Variants in CAST observed in about 807,000 individuals in gnomAD.
The protein encoded by CAST is calpastatin.
A neutral mutation model predicts 119.6 loss-of-function variants in CAST; 76 were observed. That is an observed-to-expected ratio of 0.64 (90% CI 0.53 to 0.77). The LOEUF (loss-of-function observed/expected upper bound fraction) is 0.77. Among genes scored for constraint, CAST ranks in the 30% least tolerant of loss-of-function variants. The pLI is 0.00. For synonymous variants in CAST, 319 were observed against 331.6 expected (o/e 0.96, Z 0.41); for missense variants, 953 against 946.5 (o/e 1.01, Z -0.09).
the CAST span, among the ~76,000 whole-genome samples, chr5:96,417,550 G>A: frequency 3.9e-5 from 6 of 151,986 alleles, no homozygotes; most frequent in African/African-American, 9.6e-5. Context: ...AGTCATATGG[G>A]TCTTGCTCTG....
chr5:96,183,490 T>C, the CAST span, among the ~76,000 whole-genome samples: 6 of 152,156 alleles, frequency 3.9e-5, no homozygotes, highest in Admixed American at 3.3e-4. Flanking sequence ...TAAAAGCTAT[T>C]TGGAATTTTT....
chr5:96,122,285 G>C, the CAST span, among the ~76,000 whole-genome samples: 1 of 152,114 alleles, frequency 6.6e-6, no homozygotes, highest in African/African-American at 2.4e-5. Context: ...AAATTTTGCT[G>C]TACACTTGAG....
At chr5:96,597,756 A>C (rs576460590) in intron 1 of CAST, among the ~76,000 whole-genome samples, 3 of 152,168 alleles carry the variant, frequency 2.0e-5, no homozygotes, top group Non-Finnish European at 4.4e-5. Flanking sequence ...CTATGCAAGG[A>C]CATTCATATA....
At chr5:96,256,995 G>A in the CAST span, among the ~76,000 whole-genome samples, 2 of 152,070 alleles carry the variant, frequency 1.3e-5, no homozygotes, top group Admixed American at 6.6e-5. Context: ...CTTTTCCCTT[G>A]TGCATTCATA....
the CAST span, among the ~76,000 whole-genome samples, chr5:96,146,915 C>A: frequency 6.6e-6 from 1 of 152,206 alleles, no homozygotes; most frequent in Admixed American, 6.5e-5. Flanking sequence ...TTAACTGCCT[C>A]AGTCAAGAAG....
chr5:96,713,906 C>T (rs537290324), intron 3 of CAST, among the ~76,000 whole-genome samples: 4 of 152,106 alleles, frequency 2.6e-5, no homozygotes, highest in African/African-American at 4.8e-5. Context: ...ACCCAGGTGG[C>T]GGAGGTTACA....
In CAST at chr5:96,561,786, G is replaced by GGTTTTTTTTTTTT. The variant is rs1189100090; in HGVS notation, c.60+31906_60+31907insGTTTTTTTTTTTT. Among the ~76,000 whole-genome samples, 265 of 105,386 alleles carry GGTTTTTTTTTTTT rather than the reference G, an allele frequency of 2.5e-3. 32 individuals are homozygous for GGTTTTTTTTTTTT. Among genetic ancestry groups the GGTTTTTTTTTTTT allele is most frequent in the African/African-American group, 5.9e-3 (169 of 28,646 alleles). The allele number at this position is 105,386 out of a possible 152,430, so 69.1% of individuals were successfully genotyped here. A position where few individuals can be genotyped will look rare whatever the true frequency, so the allele number is the denominator to read the frequency against. On this transcript the variant is annotated intron_variant, in intron 1 of 11. Transcript: ENST00000505143. ...ATGTATATATGTGTATTATATATAT[G>GGTTTTTTTTTTTT]TTTTTTTTTGTTTTTTTTTTTTTTG...
chr5:96,666,370 A>G (rs1192297691), intron 1 of CAST, among the ~76,000 whole-genome samples: 1 of 152,198 alleles, frequency 6.6e-6, no homozygotes, highest in Non-Finnish European at 1.5e-5. Flanking sequence ...CACACCAGTC[A>G]TCACATTCCT....
Position 96,741,287 on chromosome 5 carries a change from G to A in CAST, c.940G>A (p.Ala314Thr). The change falls in exon 14 of 32, where the codon GCT becomes ACT. Residue 314 changes from alanine to threonine, a missense_variant. Coordinates refer to ENST00000675179, the MANE Select transcript of CAST (RefSeq NM_001750.7). ...TTAGAAACCCATAGGGCCAGATGAT[G>A]CTATAGACGCCTTGTCATCTGACTT... Reference protein sequence around the residue: ...DSSKPIGPDDAIDALSSDFTC... With the variant: ...DSSKPIGPDDTIDALSSDFTC... 2.5e-6 allele frequency: 4 copies of A among 1,611,946 alleles called. No individual in the cohort carries two copies. Among genetic ancestry groups the A allele is most frequent in the Non-Finnish European group, 3.4e-6 (4 of 1,178,058 alleles).
the CAST span, among the ~76,000 whole-genome samples, chr5:96,038,231 A>G: frequency 6.6e-6 from 1 of 152,174 alleles, no homozygotes; most frequent in Non-Finnish European, 1.5e-5. Context: ...AGCCCAAAGT[A>G]TGGGCTAGGA....
intron 1 of CAST, among the ~76,000 whole-genome samples, chr5:96,575,109 G>T (rs931195416): frequency 6.6e-6 from 1 of 152,012 alleles, no homozygotes; most frequent in Non-Finnish European, 1.5e-5. Context: ...TAATTTTCAA[G>T]ATATAGATCC....
At chr5:96,662,724 A>G (rs1748722056) in intron 1 of CAST, among the ~76,000 whole-genome samples, 1 of 151,866 alleles carries the variant, frequency 6.6e-6, no homozygotes, top group Non-Finnish European at 1.5e-5. Flanking sequence ...GGCCGGGTAG[A>G]GTGGAGGGGG....
chr5:95,985,937 C>T, the CAST span, among the ~76,000 whole-genome samples: 1 of 152,166 alleles, frequency 6.6e-6, no homozygotes, highest in Admixed American at 6.5e-5. Context: ...TCAGCTAATT[C>T]TTACTGCTCT....
the CAST span, among the ~76,000 whole-genome samples, chr5:96,395,519 A>C: frequency 5.9e-5 from 9 of 152,336 alleles, no homozygotes; most frequent in East Asian, 1.7e-3. Context: ...GGAAACCATC[A>C]TTCTCAGCAA....
At chr5:96,386,150 A>G in the CAST span, among the ~76,000 whole-genome samples, 1 of 152,234 alleles carries the variant, frequency 6.6e-6, no homozygotes, top group African/African-American at 2.4e-5. Context: ...TTGTATTGTT[A>G]TTATTGGCAT....
the CAST span, among the ~76,000 whole-genome samples, chr5:96,033,167 T>C: frequency 6.6e-6 from 1 of 151,962 alleles, no homozygotes; most frequent in Non-Finnish European, 1.5e-5. Context: ...ATGAAGGAAA[T>C]TGAAGAGGAC....
At chr5:96,370,811 C>T in the CAST span, among the ~76,000 whole-genome samples, 52 of 152,300 alleles carry the variant, frequency 3.4e-4, no homozygotes, top group African/African-American at 1.2e-3. Flanking sequence ...GAAGAAAGCA[C>T]ATCTAATTCC....
chr5:96,518,396 G>A, the CAST span, among the ~76,000 whole-genome samples: 1 of 152,312 alleles, frequency 6.6e-6, no homozygotes, highest in African/African-American at 2.4e-5. Context: ...GAGGGTGAGA[G>A]ACTCGTGCTT....
At chr5:96,627,464 T>C (rs1392354379) in intron 1 of CAST, among the ~76,000 whole-genome samples, 1 of 152,190 alleles carries the variant, frequency 6.6e-6, no homozygotes. Flanking sequence ...ACATATAACT[T>C]TTTCTCTCTC....
Sources: gnomAD v4.1 joint callset for allele counts (sites outside exome capture counted in the v4.1 genomes callset) on GRCh38, gnomAD v4.1.1 for gene constraint, MANE v1.5 for transcripts, NCBI Gene and HGNC (gene_info 2026-07-23, HGNC 2026-07-21) for gene names.